Variants in RBM25 observed in about 807,000 individuals in gnomAD.
The protein encoded by RBM25 is RNA-binding protein 25.
A neutral mutation model predicts 120.7 loss-of-function variants in RBM25; 19 were observed. The observed-to-expected ratio is 0.16, with a 90% CI of 0.11 to 0.23. The LOEUF is 0.23. Ranked by LOEUF, RBM25 falls within the 10% of genes least tolerant of loss-of-function variation. The pLI, the probability that RBM25 is intolerant of heterozygous loss-of-function variation, is 1.00. For missense variants in RBM25, 605 were observed against 1,041.5 expected (o/e 0.58, Z 5.77); for synonymous variants, 390 against 326.7 (o/e 1.19, Z -2.09).
At chr14:73,095,349 A>G (rs1044279480) in intron 6 of RBM25, among the ~76,000 whole-genome samples, 1 of 151,590 alleles carries the variant, frequency 6.6e-6, no homozygotes, top group Non-Finnish European at 1.5e-5. Context: ...TCACGCCTGT[A>G]ATCCCAGCAC....
Position 73,109,332 on chromosome 14 carries a change from ACTT to A in RBM25, c.1542-9_1542-7del, listed in dbSNP as rs1896256409. 6.2e-7 allele frequency: 1 copy of A among 1,608,584 alleles called. No individual in the cohort carries two copies. Among genetic ancestry groups the A allele is most frequent in the Non-Finnish European group, 8.5e-7 (1 of 1,177,842 alleles). Reference sequence around the variant, plus strand: ...TATTAAATGAAGCCTTTTATCATTCACTTTTACAGAGGAAGTGCTCTTCAGAAA... The same window carrying A: ...TATTAAATGAAGCCTTTTATCATTCATTACAGAGGAAGTGCTCTTCAGAAA... On this transcript the variant is annotated splice_polypyrimidine_tract_variant and splice_region_variant and intron_variant, in intron 13 of 18. Transcript: ENST00000261973.
In RBM25 at chr14:73,109,418, A is replaced by G. The variant is rs1361236624; in HGVS notation, c.1618A>G (p.Lys540Glu). The change falls in exon 14 of 19, where the codon AAG becomes GAG. Residue 540 changes from lysine (K) to glutamate (E), a missense_variant. Physicochemically the swap from Lys to Glu is moderately conservative, Grantham distance 56. Coordinates refer to ENST00000261973, the MANE Select transcript of RBM25 (RefSeq NM_021239.3). ...EADERDRKRE[K>E]EELEEIRQRL... ...AGATGAACGAGATAGGAAGAGAGAG[A>G]AGGAGGAGCTTGAGGAAATCAGGCA... 2 of 1,614,018 alleles carry G rather than the reference A, an allele frequency of 1.2e-6. No individual in the cohort carries two copies. The highest frequency in any genetic ancestry group is 1.1e-5 in the South Asian group (1 of 91,088).
intron 6 of RBM25, 149 bp downstream of exon 6, chr14:73,088,310 A>G (rs1184327458): frequency 3.9e-6 from 4 of 1,017,320 alleles, no homozygotes; most frequent in Non-Finnish European, 4.5e-6. Context: ...TATAGTTTGT[A>G]GTTATTTTAA....
At chr14:73,089,129 G>A (rs932206781) in intron 6 of RBM25, among the ~76,000 whole-genome samples, 3 of 151,874 alleles carry the variant, frequency 2.0e-5, no homozygotes, top group Non-Finnish European at 4.4e-5. Flanking sequence ...CAACTAGAGT[G>A]AAACTCTGTC....
In RBM25 at chr14:73,063,225, C is replaced by G. The variant is rs1209249080; in HGVS notation, c.-16+4520C>G. ...AGTGCAGTGGCACAATCTCTGCTCA[C>G]TGCAAGCTCCGCCTCCCGGGTTCAC... is the stretch of plus-strand genomic sequence containing the variant. On this transcript the variant is annotated intron_variant, in intron 1 of 18. Transcript: ENST00000261973. Among the ~76,000 whole-genome samples, 2 of 151,176 alleles carry G rather than the reference C, an allele frequency of 1.3e-5. 1 individual carries two copies. The highest frequency in any genetic ancestry group is 4.8e-5 in the African/African-American group (2 of 41,306).
intron 5 of RBM25, among the ~76,000 whole-genome samples, chr14:73,086,646 A>G (rs1264342015): frequency 1.3e-5 from 2 of 152,196 alleles, no homozygotes; most frequent in Non-Finnish European, 2.9e-5. Context: ...TGCATTGCAC[A>G]TATAACAGTT....
intron 1 of RBM25, among the ~76,000 whole-genome samples, chr14:73,059,013 C>G (rs1218609619): frequency 1.3e-5 from 2 of 152,128 alleles, no homozygotes; most frequent in Non-Finnish European, 2.9e-5. Flanking sequence ...TCTCTGCCCC[C>G]CCTGGGCTCC....
intron 1 of RBM25, among the ~76,000 whole-genome samples, chr14:73,066,861 C>G (rs1301314590): frequency 6.6e-6 from 1 of 151,976 alleles, no homozygotes; most frequent in Non-Finnish European, 1.5e-5. Flanking sequence ...CAGGTAAACG[C>G]ATACTCAACC....
At chr14:73,105,064 C>CACACACACACACACACACAT (rs545944867) in intron 10 of RBM25, among the ~76,000 whole-genome samples, 2 of 149,164 alleles carry the variant, frequency 1.3e-5, no homozygotes, top group South Asian at 4.3e-4. Flanking sequence ...CACACACACA[C>CACACACACACACACACACAT]AGAGTTATTT....
At chr14:73,097,859 A>G (rs1895982603) in intron 7 of RBM25, among the ~76,000 whole-genome samples, 1 of 152,176 alleles carries the variant, frequency 6.6e-6, no homozygotes, top group Non-Finnish European at 1.5e-5. Flanking sequence ...ATTGATTGCT[A>G]CCTCTTTGTG....
chr14:73,072,969 C>T (rs1022371583), intron 2 of RBM25, among the ~76,000 whole-genome samples: 1 of 152,046 alleles, frequency 6.6e-6, no homozygotes, highest in Admixed American at 6.6e-5. Flanking sequence ...CTTTGTTGCC[C>T]AGACTGGAGT....
chr14:73,082,376 C>T (rs1409847361), intron 4 of RBM25, among the ~76,000 whole-genome samples: 3 of 152,138 alleles, frequency 2.0e-5, no homozygotes, highest in Non-Finnish European at 4.4e-5. Context: ...ACTGCAGCCT[C>T]GATTTCCTGG....
At chr14:73,060,141 C>T (rs556963741) in intron 1 of RBM25, among the ~76,000 whole-genome samples, 3,338 of 148,062 alleles carry the variant, frequency 0.023, 88 homozygotes, top group Non-Finnish European at 0.038. Context: ...CAGGTTCAAG[C>T]GATTCGCCTG....
At chr14:73,092,637 T>C (rs529634860) in intron 6 of RBM25, among the ~76,000 whole-genome samples, 1 of 151,994 alleles carries the variant, frequency 6.6e-6, no homozygotes, top group East Asian at 1.9e-4. Flanking sequence ...GTTTGTTACG[T>C]ATATATACAT....
chr14:73,108,217 G>C (rs1896230291), intron 13 of RBM25, among the ~76,000 whole-genome samples: 1 of 152,118 alleles, frequency 6.6e-6, no homozygotes. Flanking sequence ...TTTAGAGACA[G>C]GGTCTTACCT....
rs774697072 is a variant in RBM25, at chr14:73,088,170, T to C, written c.543+9T>C. 6.2e-7 allele frequency: 1 copy of C among 1,613,868 alleles called. No homozygotes were observed. Among genetic ancestry groups the C allele is most frequent in the South Asian group, 1.1e-5 (1 of 91,058 alleles). ...AGAAAGCTTCTAATGGGGTATGTTTTCTGTCGTGTTATCTTTTCTAGGCCA... is the reference window on the plus strand; with the variant it reads ...AGAAAGCTTCTAATGGGGTATGTTTCCTGTCGTGTTATCTTTTCTAGGCCA... On this transcript the variant is annotated intron_variant, in intron 6 of 18. Transcript: ENST00000261973.
rs1426984616 is a variant in RBM25, at chr14:73,120,086, C to G, written c.*281C>G. 2 of 243,388 alleles carry G rather than the reference C, an allele frequency of 8.2e-6. No individual in the cohort carries two copies. The highest frequency in any genetic ancestry group is 1.5e-5 in the Non-Finnish European group (2 of 130,300). 15.1% of individuals were successfully genotyped at this position (243,388 alleles called of 1,614,324 possible). ...ACAGCCTATCTGATATAATCTTGTT[C>G]TGCTGATTTGTTTCTTGTAAATATT... On this transcript the variant is annotated 3_prime_UTR_variant, in exon 19 of 19. Coordinates refer to ENST00000261973, the MANE Select transcript of RBM25 (RefSeq NM_021239.3).
chr14:73,065,547 C>G (rs2140421345), intron 1 of RBM25, among the ~76,000 whole-genome samples: 1 of 152,238 alleles, frequency 6.6e-6, no homozygotes, highest in South Asian at 2.1e-4. Context: ...GCCTCAGCCT[C>G]CTGAGTAGCT....
chr14:73,094,514 A>G (rs1260030970), intron 6 of RBM25, among the ~76,000 whole-genome samples: 1 of 145,028 alleles, frequency 6.9e-6, no homozygotes, highest in East Asian at 2.2e-4. Context: ...GTGGCGTGAT[A>G]TTGGCTCACT....
Sources: gnomAD v4.1 joint callset for allele counts (sites outside exome capture counted in the v4.1 genomes callset) on GRCh38, gnomAD v4.1.1 for gene constraint, MANE v1.5 for transcripts, NCBI Gene and HGNC (gene_info 2026-07-23, HGNC 2026-07-21) for gene names.